Variants in BBS9 observed in about 807,000 individuals in gnomAD.
BBS9 encodes Bardet-Biedl syndrome 9.
In BBS9, 89 loss-of-function variants were observed where a neutral mutation model predicts 117.7. The observed-to-expected ratio is 0.76, with a 90% CI of 0.64 to 0.90. The LOEUF is 0.90. BBS9 is among the 40% of genes least tolerant of loss of function. The probability of loss-of-function intolerance (pLI) is 0.00; values close to 1 mark genes in which losing one functional copy is unlikely to be tolerated. For synonymous variants in BBS9, 379 were observed against 370.9 expected, an observed-to-expected ratio of 1.02 and a Z score of -0.25; for missense variants, 982 against 1,042.2, an observed-to-expected ratio of 0.94 and a Z score of 0.80.
intron 5 of BBS9, among the ~76,000 whole-genome samples, chr7:33,227,515 A>G (rs1267374941): frequency 1.3e-5 from 2 of 152,008 alleles, no homozygotes. Flanking sequence ...GGTTACATAG[A>G]TAAGTTCTTT....
chr7:33,130,754 C>G (rs1044742251), intron 1 of BBS9, among the ~76,000 whole-genome samples: 4 of 151,180 alleles, frequency 2.6e-5, no homozygotes, highest in African/African-American at 9.7e-5. Context: ...AACTAGAAAA[C>G]CCAGAAGTTT....
chr7:33,405,186 G>A (rs911889633), intron 19 of BBS9, among the ~76,000 whole-genome samples: 5 of 152,158 alleles, frequency 3.3e-5, no homozygotes, highest in South Asian at 4.1e-4. Flanking sequence ...TGCATCCCAG[G>A]GATGAAGCCC....
chr7:33,394,124 G>C (rs1202921883), intron 19 of BBS9, among the ~76,000 whole-genome samples: 1 of 152,156 alleles, frequency 6.6e-6, no homozygotes, highest in African/African-American at 2.4e-5. Context: ...GAAAAGCAGA[G>C]CATGATTCTT....
intron 19 of BBS9, among the ~76,000 whole-genome samples, chr7:33,415,159 G>A (rs1831780501): frequency 6.6e-6 from 1 of 152,070 alleles, no homozygotes; most frequent in Non-Finnish European, 1.5e-5. Context: ...AAAGTCTATG[G>A]CAAATTAAAG....
intron 10 of BBS9, among the ~76,000 whole-genome samples, chr7:33,338,097 G>A (rs1398338240): frequency 1.3e-5 from 2 of 151,782 alleles, no homozygotes; most frequent in Non-Finnish European, 2.9e-5. Context: ...AATTAAGATA[G>A]GGATACACCC....
chr7:33,201,052 A>C (rs1262590765), intron 5 of BBS9, among the ~76,000 whole-genome samples: 4 of 152,128 alleles, frequency 2.6e-5, no homozygotes, highest in Admixed American at 2.6e-4. Flanking sequence ...TTGGGGACTC[A>C]AATAGCAGTA....
chr7:33,467,830 AG>A (rs77233759), intron 19 of BBS9, among the ~76,000 whole-genome samples: 25,118 of 152,024 alleles, frequency 0.17, 2,830 homozygotes, highest in East Asian at 0.46. Flanking sequence ...ACTGGTGAGG[AG>A]AAAATGTGAC....
chr7:33,599,216 G>A (rs541237533), intron 21 of BBS9, among the ~76,000 whole-genome samples: 29 of 152,204 alleles, frequency 1.9e-4, no homozygotes, highest in African/African-American at 6.7e-4. Context: ...TATTAGGCAG[G>A]GCTTGAGTAA....
At chr7:33,183,307 A>G (rs1248783582) in intron 5 of BBS9, among the ~76,000 whole-genome samples, 1 of 152,136 alleles carries the variant, frequency 6.6e-6, no homozygotes, top group African/African-American at 2.4e-5. Context: ...TGTCAAGAAG[A>G]CAAAATGGAG....
intron 9 of BBS9, among the ~76,000 whole-genome samples, chr7:33,281,250 G>A (rs1348835130): frequency 1.3e-5 from 2 of 150,264 alleles, no homozygotes; most frequent in African/African-American, 4.9e-5. Context: ...AAAAAAATTT[G>A]TCACTATAAA....
chr7:33,429,836 A>G (rs1363646385), intron 19 of BBS9, among the ~76,000 whole-genome samples: 1 of 152,088 alleles, frequency 6.6e-6, no homozygotes, highest in African/African-American at 2.4e-5. Flanking sequence ...GAATAACTTT[A>G]CTTGCCAAAT....
intron 10 of BBS9, among the ~76,000 whole-genome samples, chr7:33,338,632 C>G (rs1815872983): frequency 6.6e-6 from 1 of 152,038 alleles, no homozygotes; most frequent in South Asian, 2.1e-4. Flanking sequence ...GTTTTTGAAG[C>G]TGATTTTATG....
At chr7:33,476,077 T>G (rs181473583) in intron 19 of BBS9, among the ~76,000 whole-genome samples, 5 of 152,342 alleles carry the variant, frequency 3.3e-5, no homozygotes, top group African/African-American at 9.6e-5. Context: ...AGAATGTTTT[T>G]CATGCAAAGG....
At position 33,190,496 on chromosome 7, in the gene BBS9, G is replaced by C. The variant is rs528488923; in HGVS notation, c.442+12905G>C. ...GGTAAAACTGAAGACTCCCTTGGTT[G>C]CAACTAACAGTTGGCTTAAGCAAGA... is the stretch of plus-strand genomic sequence containing the variant. On this transcript the variant is annotated intron_variant, in intron 5 of 22. Coordinates refer to ENST00000242067, the MANE Select transcript of BBS9 (RefSeq NM_198428.3). Among the ~76,000 whole-genome samples, 24 of 152,260 alleles carry C rather than the reference G, an allele frequency of 1.6e-4. No homozygotes were observed. The South Asian group carries it at 5.0e-3, about 32-fold the overall frequency.
chr7:33,536,681 T>TCCCCCCGCCCCCCGCCTA (rs1563323330), intron 21 of BBS9, among the ~76,000 whole-genome samples: 8 of 44,292 alleles, frequency 1.8e-4, no homozygotes, highest in East Asian at 5.3e-4. Flanking sequence ...GATTCGGCCT[T>TCCCCCCGCCCCCCGCCTA]CCCCCCGCCC....
intron 1 of BBS9, among the ~76,000 whole-genome samples, chr7:33,139,123 A>G (rs1258412549): frequency 2.0e-5 from 3 of 151,112 alleles, no homozygotes; most frequent in African/African-American, 7.2e-5. Flanking sequence ...GTGGTGGCGC[A>G]TGCCTGTAAT....
At chr7:33,298,108 T>C (rs1805635426) in intron 9 of BBS9, among the ~76,000 whole-genome samples, 1 of 152,150 alleles carries the variant, frequency 6.6e-6, no homozygotes, top group African/African-American at 2.4e-5. Context: ...AATTCAGTAA[T>C]GTCATGGTTC....
intron 15 of BBS9, among the ~76,000 whole-genome samples, chr7:33,356,643 A>G (rs2128682917): frequency 6.6e-6 from 1 of 151,992 alleles, no homozygotes; most frequent in East Asian, 1.9e-4. Context: ...TATGCTTGCC[A>G]TTGTTGATGA....
chr7:33,467,567 A>ACCCCCCCCCC (rs1563215445), intron 19 of BBS9, among the ~76,000 whole-genome samples: 4 of 59,436 alleles, frequency 6.7e-5, no homozygotes, highest in African/African-American at 1.1e-4. Flanking sequence ...GAACCCCCCA[A>ACCCCCCCCCC]CTCCGCCACC....
Sources: gnomAD v4.1 joint callset for allele counts (sites outside exome capture counted in the v4.1 genomes callset) on GRCh38, gnomAD v4.1.1 for gene constraint, MANE v1.5 for transcripts, NCBI Gene and HGNC (gene_info 2026-07-23, HGNC 2026-07-21) for gene names.